Variants in JPT2 observed in about 807,000 individuals in gnomAD.
The protein encoded by JPT2 is Jupiter microtubule associated homolog 2, also known as CRAMP_1 like.
JPT2 carries 9 observed loss-of-function variants against 15.9 expected under a neutral mutation model. That is an observed-to-expected ratio of 0.57 (90% CI 0.34 to 0.99). The LOEUF (loss-of-function observed/expected upper bound fraction) is 0.99. JPT2 is among the 50% of genes least tolerant of loss of function. The pLI is 0.02. For missense variants in JPT2, 267 were observed against 252.1 expected, an observed-to-expected ratio of 1.06 and a Z score of -0.40; for synonymous variants, 95 against 91.7, an observed-to-expected ratio of 1.04 and a Z score of -0.21.
intron 1 of JPT2, chr16:1,680,363 AG>A (rs2037012790): frequency 2.0e-6 from 2 of 1,015,656 alleles, no homozygotes; most frequent in African/African-American, 3.4e-5. Context: ...TCCAGAAGTT[AG>A]CTGCACAGGG....
intron 2 of JPT2, chr16:1,688,849 A>G (rs1212426010): frequency 6.6e-6 from 1 of 152,246 alleles, no homozygotes; most frequent in Non-Finnish European, 1.5e-5. Context: ...TCAAAGCTGA[A>G]TTTATTTTTC....
chr16:1,678,284 G>A lies in JPT2; in HGVS notation c.-29G>A, dbSNP rs772412005. Reference sequence around the variant, plus strand: ...TGCGCTGGGCGGGCGGGAACGGCGCGCGGCGAGCTGAGGGTGGCGGCGGTC... The same window carrying A: ...TGCGCTGGGCGGGCGGGAACGGCGCACGGCGAGCTGAGGGTGGCGGCGGTC... On this transcript the variant is annotated 5_prime_UTR_variant, in exon 1 of 5. Coordinates refer to ENST00000248098, the MANE Select transcript of JPT2 (RefSeq NM_144570.3). 5 of 1,235,554 alleles carry A rather than the reference G, an allele frequency of 4.0e-6. No homozygotes were observed. The Admixed American group carries it at 2.1e-4, about 52-fold the overall frequency. The allele number at this position is 1,235,554 out of a possible 1,614,324, so 76.5% of individuals were successfully genotyped here.
chr16:1,691,167 A>G (rs931350114), intron 2 of JPT2, among the ~76,000 whole-genome samples: 4 of 152,238 alleles, frequency 2.6e-5, no homozygotes, highest in Admixed American at 2.6e-4. Context: ...CAGGGTAGCC[A>G]TCTTTCTGTG....
chr16:1,680,826 T>C (rs1352281031), intron 1 of JPT2, among the ~76,000 whole-genome samples: 1 of 152,312 alleles, frequency 6.6e-6, no homozygotes, highest in East Asian at 1.9e-4. Flanking sequence ...TCACTGCTTC[T>C]CTCTAAGCCT....
At chr16:1,687,207 G>A (rs2037073295) in intron 2 of JPT2, among the ~76,000 whole-genome samples, 2 of 152,026 alleles carry the variant, frequency 1.3e-5, no homozygotes, top group Non-Finnish European at 2.9e-5. Flanking sequence ...GGCTGGTCTC[G>A]AACTCCTGGG....
intron 1 of JPT2, chr16:1,683,418 T>G: frequency 3.7e-6 from 3 of 807,634 alleles, no homozygotes; most frequent in East Asian, 2.7e-5. Flanking sequence ...GACAGCCCTT[T>G]CTCATTTAAG....
chr16:1,692,369 T>C, intron 3 of JPT2: 1 of 235,038 alleles, frequency 4.3e-6, no homozygotes, highest in Middle Eastern at 4.4e-4. Flanking sequence ...AAGTGACAGT[T>C]CTTTTCTGAT....
downstream of JPT2, chr16:1,702,088 G>T (rs1459913807): frequency 2.2e-6 from 1 of 454,154 alleles, no homozygotes; most frequent in East Asian, 7.0e-5. Context: ...TTCTTCTGAT[G>T]TATTAGCTAT....
intron 1 of JPT2, among the ~76,000 whole-genome samples, chr16:1,684,515 T>C (rs1289964322): frequency 6.6e-6 from 1 of 151,800 alleles, no homozygotes; most frequent in Non-Finnish European, 1.5e-5. Flanking sequence ...CCGAGGCAGG[T>C]GGATCACCCC....
At chr16:1,689,904 G>A (rs141260034) in intron 2 of JPT2, 1 of 152,456 alleles carries the variant, frequency 6.6e-6, no homozygotes, top group African/African-American at 2.4e-5. Flanking sequence ...TCCCTGGCCA[G>A]GGGTGTCAAG....
rs1339622108 is a variant in JPT2, at chr16:1,701,367, A to AT, written c.*2374dup. ...GTCATTTTGATAGGAGCGTTTTGTT[A>AT]TTTTTACAAGGCAGAATGGGGTGTA... On this transcript the variant is annotated 3_prime_UTR_variant, in exon 5 of 5. Transcript: ENST00000248098. 6.6e-6 allele frequency: 1 copy of AT among 152,574 alleles called. No homozygotes were observed. Among genetic ancestry groups the AT allele is most frequent in the Admixed American group, 6.5e-5 (1 of 15,280 alleles). The allele number at this position is 152,574 out of a possible 1,614,324, so 9.5% of individuals were successfully genotyped here.
At chr16:1,696,928 G>T (rs2037146408) in intron 3 of JPT2, among the ~76,000 whole-genome samples, 2 of 152,210 alleles carry the variant, frequency 1.3e-5, no homozygotes, top group Admixed American at 1.3e-4. Flanking sequence ...GAGTTAAACA[G>T]GATTACCATA....
At position 1,698,691 on chromosome 16, in the gene JPT2, C is replaced by G; in HGVS notation, c.386-120C>G. 2 of 962,716 alleles carry G rather than the reference C, an allele frequency of 2.1e-6. No individual in the cohort carries two copies. Among genetic ancestry groups the G allele is most frequent in the Non-Finnish European group, 3.1e-6 (2 of 653,630 alleles). The allele number at this position is 962,716 out of a possible 1,614,324, so 59.6% of individuals were successfully genotyped here. A position where few individuals can be genotyped will look rare whatever the true frequency, so the allele number is the denominator to read the frequency against. On this transcript the variant is annotated intron_variant, in intron 4 of 4. Coordinates refer to ENST00000248098, the MANE Select transcript of JPT2 (RefSeq NM_144570.3). The surrounding 1 kb of genome is among the most constrained non-coding windows in gnomAD (Gnocchi z 4.9). ...GCCTGTCTATATTGTCTTCTCTTTC[C>G]CAGTTACAGCATGAATTTCTTGCAG... is the stretch of plus-strand genomic sequence containing the variant.
chr16:1,697,744 C>A, intron 3 of JPT2, 68 bp from the exon 4 acceptor site: 1 of 1,446,944 alleles, frequency 6.9e-7, no homozygotes. Flanking sequence ...TCCTGATTTT[C>A]ATTGTCCATT....
At chr16:1,694,379 A>G (rs2037126269) in intron 3 of JPT2, among the ~76,000 whole-genome samples, 2 of 152,254 alleles carry the variant, frequency 1.3e-5, no homozygotes, top group South Asian at 4.1e-4. Context: ...AATGGCTTAC[A>G]TAGGAAACAA....
chr16:1,686,212 A>G (rs1388212445), intron 2 of JPT2: 1 of 152,006 alleles, frequency 6.6e-6, no homozygotes, highest in Non-Finnish European at 1.5e-5. Flanking sequence ...CTCTACTAAA[A>G]AAGAAAAAAA....
intron 1 of JPT2, among the ~76,000 whole-genome samples, chr16:1,682,162 G>A (rs1181574298): frequency 1.3e-5 from 2 of 152,062 alleles, no homozygotes; most frequent in African/African-American, 4.8e-5. Flanking sequence ...GATCACTTGA[G>A]GTCAGGAGTT....
intron 1 of JPT2, among the ~76,000 whole-genome samples, chr16:1,682,784 C>G (rs1041523339): frequency 7.9e-5 from 12 of 152,164 alleles, no homozygotes; most frequent in African/African-American, 2.9e-4. Flanking sequence ...TCTTGTTAAG[C>G]CACGCCCTCC....
intron 1 of JPT2, among the ~76,000 whole-genome samples, chr16:1,684,507 G>A (rs768863103): frequency 4.6e-5 from 7 of 151,974 alleles, no homozygotes; most frequent in Non-Finnish European, 2.9e-5. Context: ...TTGGGAGGCC[G>A]AGGCAGGTGG....
Sources: allele counts gnomAD v4.1 joint callset (sites outside exome capture counted in the v4.1 genomes callset), GRCh38; gene constraint gnomAD v4.1.1; non-coding constraint Gnocchi (gnomAD v3.1); transcripts MANE v1.5; gene names NCBI Gene and HGNC (gene_info 2026-07-23, HGNC 2026-07-21).